The following FRMD4A variants were observed in gnomAD, a reference collection of about 807,000 sequenced individuals.
FRMD4A encodes the protein FERM domain-containing protein 4A.
In FRMD4A, 29 loss-of-function variants were observed where a neutral mutation model predicts 129.1. The ratio of observed to expected loss-of-function variants is 0.22; its 90% CI spans 0.17 to 0.31. The LOEUF (loss-of-function observed/expected upper bound fraction) is 0.31, where lower values mean the gene tolerates loss of function less well. Among genes scored for constraint, FRMD4A ranks in the 10% least tolerant of loss-of-function variants. FRMD4A has a pLI of 1.00. For missense variants in FRMD4A, 1,272 were observed against 1,375.8 expected (o/e 0.92, Z 1.19); for synonymous variants, 634 against 571.6 (o/e 1.11, Z -1.56).
At chr10:13,870,463 G>T (rs1263500671) in intron 2 of FRMD4A, among the ~76,000 whole-genome samples, 1 of 152,154 alleles carries the variant, frequency 6.6e-6, no homozygotes, top group Admixed American at 6.5e-5. Flanking sequence ...TGTTACCTTT[G>T]CTTGGAGGCA....
intron 8 of FRMD4A, among the ~76,000 whole-genome samples, chr10:13,755,423 A>C (rs1321672221): frequency 6.6e-6 from 1 of 152,254 alleles, no homozygotes; most frequent in African/African-American, 2.4e-5. Flanking sequence ...ATTTCTTTCC[A>C]CACTAGTGAG....
rs59035973 is a variant in FRMD4A at position 13,688,463 on chromosome 10, G to A, written c.1117+5435C>T. On this transcript the variant is annotated intron_variant, in intron 15 of 24. Coordinates refer to ENST00000357447, the MANE Select transcript of FRMD4A (RefSeq NM_018027.5). ...AATGCTAAATGACGAGTTAATCGGT[G>A]CAGCACACCAACATGGCACATGTAT... Among the ~76,000 whole-genome samples the A allele has an allele frequency of 8.7e-3, 1,327 of 152,138 alleles. 25 individuals carry two copies. Among genetic ancestry groups the A allele is most frequent in the African/African-American group, 0.03 (1,227 of 41,508 alleles).
intron 16 of FRMD4A, among the ~76,000 whole-genome samples, chr10:13,672,825 C>T (rs180950932): frequency 1.4e-4 from 22 of 152,272 alleles, no homozygotes; most frequent in African/African-American, 4.8e-4. Flanking sequence ...CTCCCCCCAG[C>T]CCTTGACTAC....
intron 2 of FRMD4A, among the ~76,000 whole-genome samples, chr10:14,219,389 C>T (rs889200073): frequency 9.9e-5 from 15 of 152,188 alleles, no homozygotes; most frequent in Non-Finnish European, 2.1e-4. Context: ...AGGTAATCCA[C>T]AACCTCCCAC....
chr10:14,186,148 A>AG (rs1842139367), intron 2 of FRMD4A, among the ~76,000 whole-genome samples: 2 of 149,476 alleles, frequency 1.3e-5, no homozygotes, highest in South Asian at 2.2e-4. Flanking sequence ...AAAAAGAAAA[A>AG]GAAAAAAAAA....
intron 16 of FRMD4A, among the ~76,000 whole-genome samples, chr10:13,672,311 G>A (rs2083577665): frequency 6.6e-6 from 1 of 151,900 alleles, no homozygotes; most frequent in Non-Finnish European, 1.5e-5. Context: ...AAAAAAATGT[G>A]GTTCAAATGT....
intron 15 of FRMD4A, chr10:13,684,455 C>T: frequency 2.0e-6 from 2 of 985,334 alleles, no homozygotes; most frequent in Non-Finnish European, 2.4e-6. Context: ...CCGGGGAACT[C>T]CAGACTCCAG....
chr10:13,952,046 G>T (rs1165882378), intron 2 of FRMD4A, among the ~76,000 whole-genome samples: 1 of 150,760 alleles, frequency 6.6e-6, no homozygotes, highest in Non-Finnish European at 1.5e-5. Flanking sequence ...TTGGGAAGGG[G>T]CTTGTTTCAG....
chr10:13,743,875 G>A (rs2091148610), intron 9 of FRMD4A, among the ~76,000 whole-genome samples: 1 of 152,076 alleles, frequency 6.6e-6, no homozygotes. Context: ...AGTGCTCTGA[G>A]CTTTGCAGAC....
intron 3 of FRMD4A, among the ~76,000 whole-genome samples, chr10:13,832,912 G>C (rs1029822459): frequency 6.6e-6 from 1 of 152,214 alleles, no homozygotes; most frequent in South Asian, 2.1e-4. Flanking sequence ...AGTGGGAATC[G>C]GTTGATTCTA....
intron 6 of FRMD4A, among the ~76,000 whole-genome samples, chr10:13,770,707 G>A (rs1022600040): frequency 1.3e-5 from 2 of 152,186 alleles, no homozygotes. Context: ...GCCTCCCAAA[G>A]TGTTGGGATT....
At chr10:14,098,213 C>G (rs1837102505) in intron 2 of FRMD4A, among the ~76,000 whole-genome samples, 1 of 149,750 alleles carries the variant, frequency 6.7e-6, no homozygotes, top group Non-Finnish European at 1.5e-5. Context: ...ATTATTGTGG[C>G]AGCCTTCAAA....
chr10:13,700,301 TCTC>T (rs1427534027), intron 14 of FRMD4A, among the ~76,000 whole-genome samples: 2 of 151,172 alleles, frequency 1.3e-5, no homozygotes, highest in Non-Finnish European at 2.9e-5. Flanking sequence ...ATTCGCTCAC[TCTC>T]CTCTTCCCCA....
chr10:13,782,490 C>T (rs1564794457), intron 6 of FRMD4A, among the ~76,000 whole-genome samples: 1 of 150,038 alleles, frequency 6.7e-6, no homozygotes, highest in Non-Finnish European at 1.5e-5. Flanking sequence ...TGTCACCAGG[C>T]TGGAGTGCAG....
chr10:14,008,446 G>A, intron 2 of FRMD4A: 3 of 1,003,794 alleles, frequency 3.0e-6, no homozygotes, highest in Non-Finnish European at 3.6e-6. Context: ...AGCTGGCTCA[G>A]CGAGACTGCC....
intron 2 of FRMD4A, among the ~76,000 whole-genome samples, chr10:14,309,977 G>T (rs1406615562): frequency 6.6e-6 from 1 of 151,558 alleles, no homozygotes; most frequent in Non-Finnish European, 1.5e-5. Context: ...AGCAAGACTG[G>T]CCGTTCTTCC....
chr10:13,979,532 T>TA (rs1391167627), intron 2 of FRMD4A, among the ~76,000 whole-genome samples: 1 of 152,196 alleles, frequency 6.6e-6, no homozygotes, highest in Non-Finnish European at 1.5e-5. Flanking sequence ...CTCTTTCAGA[T>TA]ATGAAGGAGG....
chr10:13,973,857 A>C (rs2095530711), intron 2 of FRMD4A, among the ~76,000 whole-genome samples: 1 of 150,248 alleles, frequency 6.7e-6, no homozygotes, highest in South Asian at 2.1e-4. Context: ...CATTAACATT[A>C]GCTAACTGCA....
chr10:14,145,377 T>A (rs1032844261), intron 2 of FRMD4A, among the ~76,000 whole-genome samples: 1 of 152,216 alleles, frequency 6.6e-6, no homozygotes, highest in Non-Finnish European at 1.5e-5. Flanking sequence ...GTTCTATTTA[T>A]AGGTCATTAA....
Sources: allele counts gnomAD v4.1 joint callset (sites outside exome capture counted in the v4.1 genomes callset), GRCh38; gene constraint gnomAD v4.1.1; transcripts MANE v1.5; gene names NCBI Gene and HGNC (gene_info 2026-07-23, HGNC 2026-07-21).